The following UNC5D variants were observed in gnomAD, a reference collection of about 807,000 sequenced individuals.
UNC5D encodes netrin receptor UNC5D.
A neutral mutation model predicts 105.4 loss-of-function variants in UNC5D; 39 were observed. The ratio of observed to expected loss-of-function variants is 0.37; its 90% CI spans 0.29 to 0.48. UNC5D has a LOEUF of 0.48. Ranked by LOEUF, UNC5D falls within the 20% of genes least tolerant of loss-of-function variation. UNC5D has a pLI of 0.98. For missense variants in UNC5D, 991 were observed against 1,202.4 expected, an observed-to-expected ratio of 0.82 and a Z score of 2.60; for synonymous variants, 452 against 450.4, an observed-to-expected ratio of 1.00 and a Z score of -0.04.
intron 1 of UNC5D, among the ~76,000 whole-genome samples, chr8:35,362,520 G>T (rs1801911346): frequency 6.6e-6 from 1 of 152,160 alleles, no homozygotes; most frequent in African/African-American, 2.4e-5. Context: ...AATGCAGTGA[G>T]CCAAATTACT....
At chr8:35,336,796 T>TC (rs779013678) in intron 1 of UNC5D, among the ~76,000 whole-genome samples, 1 of 151,672 alleles carries the variant, frequency 6.6e-6, no homozygotes, top group Non-Finnish European at 1.5e-5. Flanking sequence ...ATAGTGTTTT[T>TC]TTTTTTTCTT....
At chr8:35,738,366 T>C (rs73586719) in intron 11 of UNC5D, among the ~76,000 whole-genome samples, 4,333 of 152,296 alleles carry the variant, frequency 0.028, 217 homozygotes, top group African/African-American at 0.098. Context: ...TGTGAAGTAC[T>C]GTTTAAATGC....
At chr8:35,464,841 G>C (rs958622936) in intron 1 of UNC5D, among the ~76,000 whole-genome samples, 3 of 152,092 alleles carry the variant, frequency 2.0e-5, no homozygotes, top group Admixed American at 6.6e-5. Context: ...TCACACATTT[G>C]AAATATGAGT....
intron 4 of UNC5D, among the ~76,000 whole-genome samples, chr8:35,678,740 C>G (rs1317561286): frequency 6.6e-6 from 1 of 152,064 alleles, no homozygotes; most frequent in Non-Finnish European, 1.5e-5. Context: ...TGCTGAGTCC[C>G]ATTATTTGTC....
intron 2 of UNC5D, among the ~76,000 whole-genome samples, chr8:35,553,105 A>G (rs1054730866): frequency 4.6e-5 from 7 of 152,190 alleles, no homozygotes; most frequent in African/African-American, 1.7e-4. Context: ...TAGAAAGAAT[A>G]TTGTAAAATG....
intron 2 of UNC5D, among the ~76,000 whole-genome samples, chr8:35,555,922 CACAG>C (rs1426713759): frequency 1.8e-5 from 2 of 109,514 alleles, no homozygotes; most frequent in Admixed American, 9.2e-5. Flanking sequence ...CACACACACA[CACAG>C]AAAAAGAAAC....
intron 4 of UNC5D, among the ~76,000 whole-genome samples, chr8:35,609,368 T>C (rs189291291): frequency 3.2e-4 from 49 of 152,338 alleles, no homozygotes; most frequent in Admixed American, 1.8e-3. Flanking sequence ...TGTGCACCAA[T>C]ATCTATAGCT....
chr8:35,512,569 A>ATATATATATCTCTC (rs539399345), intron 1 of UNC5D, among the ~76,000 whole-genome samples: 23 of 64,822 alleles, frequency 3.5e-4, no homozygotes, highest in East Asian at 4.4e-4. Context: ...ATATATATAT[A>ATATATATATCTCTC]TCTGAATAGA....
At position 35,795,705 on chromosome 8, in the gene UNC5D, A is replaced by C. The variant is rs1297687513; in HGVS notation, c.*5142A>C. ...GAAACACTCTCCAAGGCTTATGGCT[A>C]GATTATGTAGGTCACTACCATTCAA... On this transcript the variant is annotated 3_prime_UTR_variant, in exon 17 of 17. Coordinates refer to ENST00000404895, the MANE Select transcript of UNC5D (RefSeq NM_080872.4). The C allele has an allele frequency of 1.3e-5, 2 of 152,214 alleles. No homozygotes were observed. Among genetic ancestry groups the C allele is most frequent in the Non-Finnish European group, 2.9e-5 (2 of 68,036 alleles). 9.4% of individuals were successfully genotyped at this position (152,214 alleles called of 1,614,324 possible).
At position 35,750,823 on chromosome 8, in the gene UNC5D, TTAA is replaced by T; in HGVS notation, c.2163+19_2163+21del. On this transcript the variant is annotated intron_variant, in intron 13 of 16. Coordinates refer to ENST00000404895, the MANE Select transcript of UNC5D (RefSeq NM_080872.4). ...TGTGCATTTCAGGTTAGCCTTTGTTTTAATAATTTTCTTTTGGTGTCATGAAAG... is the reference window on the plus strand; with the variant it reads ...TGTGCATTTCAGGTTAGCCTTTGTTTTAATTTTCTTTTGGTGTCATGAAAG... 1 of 1,613,064 alleles carries T rather than the reference TTAA, an allele frequency of 6.2e-7. No homozygotes were observed. The highest frequency in any genetic ancestry group is 1.3e-5 in the African/African-American group (1 of 75,002).
intron 1 of UNC5D, among the ~76,000 whole-genome samples, chr8:35,247,407 G>T (rs1311926929): frequency 6.8e-6 from 1 of 146,828 alleles, no homozygotes; most frequent in Non-Finnish European, 1.5e-5. Context: ...GAAAGTTAGG[G>T]TGCCTTAAGT....
intron 1 of UNC5D, among the ~76,000 whole-genome samples, chr8:35,397,169 G>T (rs1012285515): frequency 3.7e-4 from 56 of 152,234 alleles, no homozygotes; most frequent in African/African-American, 1.3e-3. Flanking sequence ...GTCTCCCAAA[G>T]TGCTGGGATT....
intron 1 of UNC5D, among the ~76,000 whole-genome samples, chr8:35,444,975 G>C (rs1453120568): frequency 1.3e-5 from 2 of 152,022 alleles, no homozygotes; most frequent in African/African-American, 2.4e-5. Flanking sequence ...TCTCAGTTTA[G>C]ATGATAAACT....
At chr8:35,243,329 G>T (rs139659157) in intron 1 of UNC5D, among the ~76,000 whole-genome samples, 1 of 152,104 alleles carries the variant, frequency 6.6e-6, no homozygotes, top group African/African-American at 2.4e-5. Flanking sequence ...TTCTGAGGGC[G>T]CCGTCCTGAT....
intron 1 of UNC5D, among the ~76,000 whole-genome samples, chr8:35,444,458 G>A (rs141303674): frequency 6.6e-6 from 1 of 152,018 alleles, no homozygotes; most frequent in East Asian, 1.9e-4. Flanking sequence ...TCCCTTTCAA[G>A]TAACACATAG....
At chr8:35,529,983 A>G (rs1301120176) in intron 1 of UNC5D, among the ~76,000 whole-genome samples, 1 of 150,906 alleles carries the variant, frequency 6.6e-6, no homozygotes, top group Non-Finnish European at 1.5e-5. Context: ...CAATCATGTC[A>G]TCTGCAAACA....
intron 4 of UNC5D, among the ~76,000 whole-genome samples, chr8:35,680,137 C>T (rs1221542135): frequency 6.6e-6 from 1 of 152,132 alleles, no homozygotes; most frequent in Admixed American, 6.5e-5. Flanking sequence ...TCAATCCTGT[C>T]ACAATGGATG....
intron 4 of UNC5D, among the ~76,000 whole-genome samples, chr8:35,664,139 A>C (rs1277358309): frequency 6.6e-6 from 1 of 152,202 alleles, no homozygotes; most frequent in Non-Finnish European, 1.5e-5. Flanking sequence ...TAAAGGGCAG[A>C]ATAGTTTCAT....
intron 1 of UNC5D, among the ~76,000 whole-genome samples, chr8:35,363,398 T>C (rs1451692912): frequency 6.6e-6 from 1 of 152,158 alleles, no homozygotes; most frequent in Non-Finnish European, 1.5e-5. Flanking sequence ...ACCACCCCCA[T>C]GATTCAATTA....
Sources: allele counts gnomAD v4.1 joint callset (sites outside exome capture counted in the v4.1 genomes callset), GRCh38; gene constraint gnomAD v4.1.1; transcripts MANE v1.5; gene names NCBI Gene and HGNC (gene_info 2026-07-23, HGNC 2026-07-21).